Variants in ZNF558 observed in about 807,000 individuals in gnomAD.
The protein encoded by ZNF558 is zinc finger protein 558.
Under a neutral mutation model 37.6 loss-of-function variants are expected in ZNF558, and 23 were observed. That is an observed-to-expected ratio of 0.61 (90% CI 0.44 to 0.87). The LOEUF (loss-of-function observed/expected upper bound fraction) is 0.87. Among genes scored for constraint, ZNF558 ranks in the 40% least tolerant of loss-of-function variants. ZNF558 has a pLI of 0.00. For missense variants in ZNF558, 429 were observed against 483.7 expected (o/e 0.89, Z 1.06); for synonymous variants, 189 against 174.4 (o/e 1.08, Z -0.66).
At chr19:8,829,124 T>C (rs2044295312) in intron 2 of ZNF558, among the ~76,000 whole-genome samples, 1 of 151,648 alleles carries the variant, frequency 6.6e-6, no homozygotes, top group South Asian at 2.1e-4. Flanking sequence ...TAACCGGGCA[T>C]GGTGGTAGGC....
At position 8,822,873 on chromosome 19, in the gene ZNF558, G is replaced by C; in HGVS notation, c.-65-149C>G. The C allele has an allele frequency of 2.9e-6, 2 of 695,360 alleles. No homozygotes were observed. The highest frequency in any genetic ancestry group is 4.8e-6 in the Non-Finnish European group (2 of 417,910). The allele number at this position is 695,360 out of a possible 1,614,324, so 43.1% of individuals were successfully genotyped here. A position where few individuals can be genotyped will look rare whatever the true frequency, so the allele number is the denominator to read the frequency against. On this transcript the variant is annotated intron_variant, in intron 4 of 9. Transcript: ENST00000601372. The surrounding 1 kb of genome is among the most constrained non-coding windows in gnomAD (Gnocchi z 4.4). ...GCCTTTATTTTGCTGAGCAGGCAATGAATTCAGGGCCACCTGATGGAAAAC... is the reference window on the plus strand; with the variant it reads ...GCCTTTATTTTGCTGAGCAGGCAATCAATTCAGGGCCACCTGATGGAAAAC...
intron 2 of ZNF558, among the ~76,000 whole-genome samples, chr19:8,829,380 T>TCAATATAGA (rs2044300855): frequency 6.6e-6 from 1 of 152,134 alleles, no homozygotes; most frequent in African/African-American, 2.4e-5. Context: ...GTAGCAACCC[T>TCAATATAGA]CAATATAGAC....
chr19:8,815,165 A>T (rs2145205746), intron 7 of ZNF558, among the ~76,000 whole-genome samples: 1 of 152,344 alleles, frequency 6.6e-6, no homozygotes, highest in East Asian at 1.9e-4. Flanking sequence ...CAAACACTGG[A>T]CTTAACTAGA....
intron 2 of ZNF558, among the ~76,000 whole-genome samples, chr19:8,829,700 G>A (rs2044306983): frequency 1.3e-5 from 2 of 152,194 alleles, no homozygotes; most frequent in Admixed American, 6.5e-5. Flanking sequence ...TGGATGCCCT[G>A]TGCCCTAGCA....
chr19:8,811,178 T>C lies in ZNF558; in HGVS notation c.*103A>G, dbSNP rs2043777120. On this transcript the variant is annotated 3_prime_UTR_variant, in exon 10 of 10. Coordinates refer to ENST00000601372, the MANE Select transcript of ZNF558 (RefSeq NM_144693.3). ...CCACAAAATTTGCGGGGATCATTTG[T>C]TATGCTGCAACAAATAACTTATATA... 7.7e-7 allele frequency: 1 copy of C among 1,296,336 alleles called. No individual in the cohort carries two copies. The highest frequency in any genetic ancestry group is 1.5e-5 in the African/African-American group (1 of 67,342). 80.3% of individuals were successfully genotyped at this position (1,296,336 alleles called of 1,614,324 possible). A position where few individuals can be genotyped will look rare whatever the true frequency, so the allele number is the denominator to read the frequency against.
rs2043750071 is a variant in ZNF558 at position 8,810,171 on chromosome 19, T to C, written c.*1110A>G. 6.6e-6 allele frequency: 1 copy of C among 152,182 alleles called. No individual in the cohort carries two copies. The allele number at this position is 152,182 out of a possible 1,614,324, so 9.4% of individuals were successfully genotyped here. ...AGAAAAACAGAAAGCTCTCCAATAT[T>C]GATGATGTTCAATGGGGCATTCTCT... On this transcript the variant is annotated 3_prime_UTR_variant, in exon 10 of 10. Transcript: ENST00000601372.
Position 8,822,775 on chromosome 19 carries a change from C to A in ZNF558, c.-65-51G>T. ...TCTCCGTGGCCTCCTCCCTCTCGGG[C>A]TGCTGGGGATGGGCCCTCCTCAACC... On this transcript the variant is annotated intron_variant, in intron 4 of 9. Coordinates refer to ENST00000601372, the MANE Select transcript of ZNF558 (RefSeq NM_144693.3). The surrounding 1 kb of genome is among the most constrained non-coding windows in gnomAD (Gnocchi z 4.4). 2 of 1,547,186 alleles carry A rather than the reference C, an allele frequency of 1.3e-6. No individual in the cohort carries two copies. Among genetic ancestry groups the A allele is most frequent in the South Asian group, 1.1e-5 (1 of 88,624 alleles).
intron 7 of ZNF558, among the ~76,000 whole-genome samples, chr19:8,817,319 A>C (rs1303823921): frequency 6.6e-6 from 1 of 152,164 alleles, no homozygotes; most frequent in Non-Finnish European, 1.5e-5. Context: ...TTCAGTAGAA[A>C]GCACACTTCA....
At chr19:8,824,661 C>T (rs1207759332) in intron 3 of ZNF558, among the ~76,000 whole-genome samples, 4 of 152,172 alleles carry the variant, frequency 2.6e-5, no homozygotes, top group South Asian at 2.1e-4. Flanking sequence ...CTGCCTTCTC[C>T]GCAGGGCTTG....
chr19:8,809,114 A>T lies in ZNF558; in HGVS notation c.*2167T>A, dbSNP rs1218482057. 1 of 152,242 alleles carries T rather than the reference A, an allele frequency of 6.6e-6. No homozygotes were observed. The highest frequency in any genetic ancestry group is 1.5e-5 in the Non-Finnish European group (1 of 68,052). 9.4% of individuals were successfully genotyped at this position (152,242 alleles called of 1,614,324 possible). On this transcript the variant is annotated 3_prime_UTR_variant, in exon 10 of 10. Coordinates refer to ENST00000601372, the MANE Select transcript of ZNF558 (RefSeq NM_144693.3). The stretch of plus-strand genomic sequence containing the variant: ...TTTTAGTCACATAAGAAGTATAAGA[A>T]TAAGGAGTCCAGAGCAGATGCAGCC...
Position 8,822,794 on chromosome 19 carries a change from C to T in ZNF558, c.-65-70G>A. 7.5e-7 allele frequency: 1 copy of T among 1,340,680 alleles called. No homozygotes were observed. Among genetic ancestry groups the T allele is most frequent in the Non-Finnish European group, 1.0e-6 (1 of 953,826 alleles). 83.0% of individuals were successfully genotyped at this position (1,340,680 alleles called of 1,614,324 possible). On this transcript the variant is annotated intron_variant, in intron 4 of 9. Transcript: ENST00000601372. The surrounding 1 kb of genome is among the most constrained non-coding windows in gnomAD (Gnocchi z 4.4). Reference sequence around the variant, plus strand: ...CTCGGGCTGCTGGGGATGGGCCCTCCTCAACCCATCCTTCCCATCCTTCTT... The same window carrying T: ...CTCGGGCTGCTGGGGATGGGCCCTCTTCAACCCATCCTTCCCATCCTTCTT...
upstream of ZNF558, among the ~76,000 whole-genome samples, chr19:8,834,307 A>G (rs770562265): frequency 3.3e-5 from 5 of 152,228 alleles, no homozygotes; most frequent in Non-Finnish European, 7.4e-5. Context: ...CTAGATGCCA[A>G]TATACAAAAG....
In ZNF558 at chr19:8,808,505, C is replaced by T. The variant is rs879950558; in HGVS notation, c.*2776G>A. The T allele has an allele frequency of 1.3e-5, 2 of 152,008 alleles. No individual in the cohort carries two copies. The highest frequency in any genetic ancestry group is 3.9e-4 in the East Asian group (2 of 5,184). 9.4% of individuals were successfully genotyped at this position (152,008 alleles called of 1,614,324 possible). On this transcript the variant is annotated 3_prime_UTR_variant, in exon 10 of 10. Coordinates refer to ENST00000601372, the MANE Select transcript of ZNF558 (RefSeq NM_144693.3). ...TACATAAACATAATGGAAGAGTTTA[C>T]CACACCTCTATCACTAAATAAGGTT...
At chr19:8,829,079 T>C (rs924516501) in intron 2 of ZNF558, among the ~76,000 whole-genome samples, 1 of 151,728 alleles carries the variant, frequency 6.6e-6, no homozygotes, top group African/African-American at 2.4e-5. Flanking sequence ...CGGGCCAACA[T>C]GGTGAAACCC....
chr19:8,811,624 T>C lies in ZNF558; in HGVS notation c.866A>G (p.Glu289Gly), dbSNP rs1555768063. The change falls in exon 10 of 10, where the codon GAG becomes GGG. Residue 289 changes from glutamate to glycine, a missense_variant. Physicochemically the swap from Glu to Gly is moderately conservative, Grantham distance 98 (BLOSUM62 -2). Transcript: ENST00000601372. ...LTGHNSIHTG[E>G]KPYECHDCGK... ...ACAATCGTGACATTCATAAGGTTTC[T>C]CCCCTGTATGAATGCTATTGTGCCC... 1.2e-6 allele frequency: 2 copies of C among 1,614,182 alleles called. No homozygotes were observed. The highest frequency in any genetic ancestry group is 2.2e-5 in the East Asian group (1 of 44,878).
rs186931102 is a variant in ZNF558 at position 8,818,323 on chromosome 19, G to A, written c.247+2857C>T. On this transcript the variant is annotated intron_variant, in intron 7 of 9. Coordinates refer to ENST00000601372, the MANE Select transcript of ZNF558 (RefSeq NM_144693.3). ...AAAAATTAGCTGGGCGTGGTGGTGCGCACCTGTAGTCCGAGCTACTCGGGA... is the reference window on the plus strand; with the variant it reads ...AAAAATTAGCTGGGCGTGGTGGTGCACACCTGTAGTCCGAGCTACTCGGGA... Among the ~76,000 whole-genome samples, 195 of 152,108 alleles carry A rather than the reference G, an allele frequency of 1.3e-3. 1 individual carries two copies. Among genetic ancestry groups the A allele is most frequent in the South Asian group, 7.7e-3 (37 of 4,802 alleles).
chr19:8,816,899 G>T (rs2043953503), intron 7 of ZNF558, among the ~76,000 whole-genome samples: 1 of 152,042 alleles, frequency 6.6e-6, no homozygotes, highest in African/African-American at 2.4e-5. Flanking sequence ...TTACTAAACA[G>T]AACAGCTACA....
intron 4 of ZNF558, among the ~76,000 whole-genome samples, chr19:8,823,119 G>A (rs1158969337): frequency 1.3e-5 from 2 of 151,956 alleles, no homozygotes; most frequent in African/African-American, 2.4e-5. Flanking sequence ...CAGAGTCTCA[G>A]GAGTTCCTCA....
chr19:8,818,244 G>C (rs931744961), intron 7 of ZNF558, among the ~76,000 whole-genome samples: 2 of 152,020 alleles, frequency 1.3e-5, no homozygotes, highest in African/African-American at 4.8e-5. Flanking sequence ...ACGAGGTCAA[G>C]AGATTGAGAC....
Sources: gnomAD v4.1 joint callset for allele counts (sites outside exome capture counted in the v4.1 genomes callset) on GRCh38, gnomAD v4.1.1 for gene constraint, Gnocchi (gnomAD v3.1) non-coding constraint, MANE v1.5 for transcripts, NCBI Gene and HGNC (gene_info 2026-07-23, HGNC 2026-07-21) for gene names.